The following RLF variants were observed in gnomAD, a reference collection of about 807,000 sequenced individuals.
The protein encoded by RLF is zinc finger protein Rlf.
In RLF, 7 loss-of-function variants were observed where a neutral mutation model predicts 162.9. The observed-to-expected ratio is 0.04, with a 90% CI of 0.02 to 0.08. The LOEUF (loss-of-function observed/expected upper bound fraction) is 0.08, where lower values mean the gene tolerates loss of function less well. Ranked by LOEUF, RLF falls within the 10% of genes least tolerant of loss-of-function variation. The pLI is 1.00. For missense variants in RLF, 1,664 were observed against 2,244.7 expected (o/e 0.74, Z 5.23); for synonymous variants, 782 against 791.5 (o/e 0.99, Z 0.20).
chr1:40,205,171 G>A (rs987073704), intron 5 of RLF, among the ~76,000 whole-genome samples: 5 of 151,936 alleles, frequency 3.3e-5, no homozygotes, highest in Non-Finnish European at 5.9e-5. Flanking sequence ...GCTCTTCTTA[G>A]GTCCAGAGGT....
chr1:40,177,160 A>G (rs994957644), intron 1 of RLF, among the ~76,000 whole-genome samples: 3 of 150,476 alleles, frequency 2.0e-5, no homozygotes, highest in Non-Finnish European at 4.4e-5. Context: ...TAATTTCTGT[A>G]TTTTTAGATG....
intron 1 of RLF, among the ~76,000 whole-genome samples, chr1:40,183,833 A>G (rs1400175995): frequency 6.6e-6 from 1 of 152,136 alleles, no homozygotes; most frequent in Non-Finnish European, 1.5e-5. Context: ...GGAGTTGTGC[A>G]TATTAAATAA....
intron 6 of RLF, among the ~76,000 whole-genome samples, chr1:40,228,568 G>A (rs1307518638): frequency 1.3e-5 from 2 of 149,190 alleles, no homozygotes; most frequent in African/African-American, 2.5e-5. Context: ...GGGCGACAGC[G>A]TGGACTCCAT....
intron 5 of RLF, among the ~76,000 whole-genome samples, chr1:40,214,173 T>C (rs937604996): frequency 3.9e-5 from 6 of 152,150 alleles, no homozygotes; most frequent in Non-Finnish European, 7.3e-5. Flanking sequence ...TATACATTCA[T>C]TGGAGGTGTC....
At chr1:40,212,162 G>T (rs947650516) in intron 5 of RLF, among the ~76,000 whole-genome samples, 3 of 152,230 alleles carry the variant, frequency 2.0e-5, no homozygotes, top group Non-Finnish European at 1.5e-5. Flanking sequence ...AAAGTACATT[G>T]TATGTTGGTA....
intron 4 of RLF, among the ~76,000 whole-genome samples, chr1:40,199,698 T>C (rs549750631): frequency 2.0e-5 from 3 of 152,328 alleles, no homozygotes; most frequent in Non-Finnish European, 2.9e-5. Context: ...ATGCCTGTTA[T>C]CAGGTATGTT....
At chr1:40,203,363 G>A (rs1186670114) in intron 5 of RLF, among the ~76,000 whole-genome samples, 1 of 151,722 alleles carries the variant, frequency 6.6e-6, no homozygotes, top group East Asian at 1.9e-4. Context: ...TGATCCACCT[G>A]CTTCAGCTTG....
At position 40,237,555 on chromosome 1, in the gene RLF, G is replaced by A; in HGVS notation, c.2853G>A (p.Gly951=). The stretch of plus-strand genomic sequence containing the variant: ...CCAGTATGGCAGTTTGTTTTGACGG[G>A]ACTAAGTTTACCTGTGGTTTTGATG... ...KCSSMAVCFD[G]TKFTCGFDGC... Residue 951 remains glycine, a synonymous_variant, in exon 8 of 8, where the codon GGG becomes GGA. Transcript: ENST00000372771. The surrounding 1 kb of genome is among the most constrained non-coding windows in gnomAD (Gnocchi z 4.4). 1 of 1,614,098 alleles carries A rather than the reference G, an allele frequency of 6.2e-7. No homozygotes were observed.
At chr1:40,187,019 T>C (rs1642490732) in intron 1 of RLF, among the ~76,000 whole-genome samples, 1 of 152,008 alleles carries the variant, frequency 6.6e-6, no homozygotes. Flanking sequence ...TTTTAATAAA[T>C]TTCTTTGTTT....
chr1:40,240,046 G>A lies in RLF; in HGVS notation c.5344G>A (p.Glu1782Lys). The stretch of plus-strand genomic sequence containing the variant: ...TCTGAAATTTATTCAGGAAAGTGAA[G>A]AGAAAGAAGATGATTTTGATGATTG... The part of the protein sequence containing the change: ...SFLKFIQESE[E>K]KEDDFDDWEP... Residue 1782 changes from glutamate (E) to lysine (K), a missense_variant, in exon 8 of 8, where the codon GAG becomes AAG. By Grantham distance (56) the Glu-to-Lys change is moderately conservative. This residue lies in a region of RLF where 327 missense variants were observed against 342.7 expected (regional missense o/e 0.95). Coordinates refer to ENST00000372771, the MANE Select transcript of RLF (RefSeq NM_012421.4). 1 of 1,614,116 alleles carries A rather than the reference G, an allele frequency of 6.2e-7. No homozygotes were observed. The highest frequency in any genetic ancestry group is 1.1e-5 in the South Asian group (1 of 91,072).
At chr1:40,184,820 G>T (rs1432385696) in intron 1 of RLF, among the ~76,000 whole-genome samples, 1 of 152,190 alleles carries the variant, frequency 6.6e-6, no homozygotes, top group East Asian at 1.9e-4. Flanking sequence ...TTTGTGGAAT[G>T]AGTTTACTGA....
In RLF at chr1:40,219,494, A is replaced by T. The variant is rs114578712; in HGVS notation, c.811-3080A>T. Among the ~76,000 whole-genome samples, 756 of 152,322 alleles carry T rather than the reference A, an allele frequency of 5.0e-3. 11 individuals are homozygous for T. Among genetic ancestry groups the T allele is most frequent in the African/African-American group, 0.018 (733 of 41,560 alleles). On this transcript the variant is annotated intron_variant, in intron 5 of 7. Coordinates refer to ENST00000372771, the MANE Select transcript of RLF (RefSeq NM_012421.4). ...AATGATCAGATGTCTCATTTAGTTAAATGACAGTGGAAAATAAGTCTAGAG... is the reference window on the plus strand; with the variant it reads ...AATGATCAGATGTCTCATTTAGTTATATGACAGTGGAAAATAAGTCTAGAG...
Position 40,239,865 on chromosome 1 carries a change from A to G in RLF, c.5163A>G (p.Pro1721=), listed in dbSNP as rs1180473198. The G allele has an allele frequency of 6.2e-7, 1 of 1,613,802 alleles. No homozygotes were observed. Among genetic ancestry groups the G allele is most frequent in the Non-Finnish European group, 8.5e-7 (1 of 1,180,014 alleles). ...TYFTSFQLPL[P]RIKESETRQH... is the part of the protein sequence containing the mutation. ...TCACAAGTTTCCAGCTGCCTTTACC[A>G]AGGATCAAAGAATCAGAAACTAGGC... The change falls in exon 8 of 8, where the codon CCA becomes CCG. Residue 1721 remains proline, a synonymous_variant. Coordinates refer to ENST00000372771, the MANE Select transcript of RLF (RefSeq NM_012421.4).
intron 3 of RLF, among the ~76,000 whole-genome samples, chr1:40,193,161 A>G (rs192370580): frequency 1.6e-4 from 24 of 150,298 alleles, no homozygotes; most frequent in East Asian, 1.6e-3. Context: ...ATCTTGTGCT[A>G]TTATTTCTGT....
At chr1:40,231,153 T>C (rs1404548990) in intron 6 of RLF, among the ~76,000 whole-genome samples, 1 of 152,236 alleles carries the variant, frequency 6.6e-6, no homozygotes, top group African/African-American at 2.4e-5. Context: ...TGATGGCTGA[T>C]TATTTCTGCC....
intron 2 of RLF, 139 bp from the exon 3 acceptor site, chr1:40,190,633 C>G (rs1181848886): frequency 1.9e-6 from 1 of 536,574 alleles, no homozygotes; most frequent in African/African-American, 2.0e-5. Flanking sequence ...GTCAATATAA[C>G]AACTCTGAAG....
chr1:40,221,836 G>C (rs1643000601), intron 5 of RLF, among the ~76,000 whole-genome samples: 1 of 148,052 alleles, frequency 6.8e-6, no homozygotes, highest in Non-Finnish European at 1.5e-5. Flanking sequence ...GAAGTCGGAG[G>C]TTGCAGTGAG....
chr1:40,199,855 A>G (rs557432531), intron 4 of RLF, among the ~76,000 whole-genome samples: 20 of 152,312 alleles, frequency 1.3e-4, no homozygotes, highest in Non-Finnish European at 2.5e-4. Context: ...ATTAGAAAAG[A>G]ATTACTAGGA....
Position 40,239,271 on chromosome 1 carries a change from AAAG to A in RLF, c.4572_4574del (p.Lys1525del), listed in dbSNP as rs750175020. Reference sequence around the variant, plus strand: ...CTAAAAAATGTGGCTTAATCAAAGAAAAGAAAGCCCCAATAAGTTTTAAAACCA... The same window carrying A: ...CTAAAAAATGTGGCTTAATCAAAGAAAAAGCCCCAATAAGTTTTAAAACCA... On this transcript the variant is annotated inframe_deletion, in exon 8 of 8. Coordinates refer to ENST00000372771, the MANE Select transcript of RLF (RefSeq NM_012421.4). 5.0e-6 allele frequency: 8 copies of A among 1,614,162 alleles called. No individual in the cohort carries two copies. The highest frequency in any genetic ancestry group is 6.8e-6 in the Non-Finnish European group (8 of 1,180,026).
Sources: allele counts gnomAD v4.1 joint callset (sites outside exome capture counted in the v4.1 genomes callset), GRCh38; gene constraint gnomAD v4.1.1; regional missense constraint gnomAD v4.1.1; non-coding constraint Gnocchi (gnomAD v3.1); transcripts MANE v1.5; gene names NCBI Gene and HGNC (gene_info 2026-07-23, HGNC 2026-07-21).